PPP4R1: variants seen among roughly 807,000 people sequenced by gnomAD.
The protein encoded by PPP4R1 is protein phosphatase 4 regulatory subunit 1, also known as serine/threonine-protein phosphatase 4 regulatory subunit 1.
Under a neutral mutation model 111.2 loss-of-function variants are expected in PPP4R1, and 42 were observed. The ratio of observed to expected loss-of-function variants is 0.38; its 90% CI spans 0.29 to 0.49. PPP4R1 has a LOEUF of 0.49. Ranked by LOEUF, PPP4R1 falls within the 20% of genes least tolerant of loss-of-function variation. The pLI is 0.97. For synonymous variants in PPP4R1, 409 were observed against 405.5 expected (o/e 1.01, Z -0.10); for missense variants, 1,012 against 1,161.6 (o/e 0.87, Z 1.87).
intron 15 of PPP4R1, chr18:9,557,017 G>A (rs2066598893): frequency 2.3e-6 from 1 of 427,320 alleles, no homozygotes; most frequent in Non-Finnish European, 4.0e-6. Flanking sequence ...ACAAATGTCT[G>A]TAAACTATCA....
At chr18:9,565,932 A>G (rs1336153058) in intron 11 of PPP4R1, among the ~76,000 whole-genome samples, 3 of 151,556 alleles carry the variant, frequency 2.0e-5, no homozygotes, top group South Asian at 4.2e-4. Context: ...TTTTTTTGAG[A>G]TGGAGTCTTG....
intron 2 of PPP4R1, among the ~76,000 whole-genome samples, chr18:9,604,616 C>T (rs1341638694): frequency 6.6e-6 from 1 of 152,140 alleles, no homozygotes; most frequent in South Asian, 2.1e-4. Context: ...ACTAACAACA[C>T]CCAGGAGGCA....
chr18:9,583,578 G>A (rs751522694), intron 8 of PPP4R1, among the ~76,000 whole-genome samples: 6 of 151,294 alleles, frequency 4.0e-5, no homozygotes, highest in Non-Finnish European at 8.8e-5. Context: ...TGTTGGCCAG[G>A]CTGGTCTCGA....
intron 13 of PPP4R1, among the ~76,000 whole-genome samples, chr18:9,560,066 G>A (rs2066648333): frequency 6.6e-6 from 1 of 152,094 alleles, no homozygotes; most frequent in Admixed American, 6.6e-5. Flanking sequence ...AGCCAAGGAG[G>A]GTGGATCACT....
Position 9,547,872 on chromosome 18 carries a change from C to T in PPP4R1, c.2770G>A (p.Asp924Asn), listed in dbSNP as rs774695430. 1.2e-6 allele frequency: 2 copies of T among 1,613,718 alleles called. No individual in the cohort carries two copies. Among genetic ancestry groups the T allele is most frequent in the Admixed American group, 1.7e-5 (1 of 59,994 alleles). The change falls in exon 20 of 20, where the codon GAT becomes AAT. Residue 924 changes from aspartate (D) to asparagine (N), a missense_variant. Physicochemically the swap from Asp to Asn is conservative, Grantham distance 23. Transcript: ENST00000400556. ...IMALQMDRDSDVKYFASIHPA... is the reference protein window; with the variant it reads ...IMALQMDRDSNVKYFASIHPA... ...TGGATGCTTGCAAAATACTTGACAT[C>T]GCTGTCACGGTCCATCTGAAGAGCC...
chr18:9,600,867 T>G (rs946334633), intron 2 of PPP4R1, among the ~76,000 whole-genome samples: 1 of 151,590 alleles, frequency 6.6e-6, no homozygotes, highest in Non-Finnish European at 1.5e-5. Context: ...GGTGACAGAG[T>G]GAGAATGTCT....
intron 12 of PPP4R1, among the ~76,000 whole-genome samples, chr18:9,562,638 C>T (rs1234105997): frequency 6.6e-6 from 1 of 152,170 alleles, no homozygotes; most frequent in Non-Finnish European, 1.5e-5. Context: ...TGCCATCCAA[C>T]AGAAATCAAA....
intron 16 of PPP4R1, among the ~76,000 whole-genome samples, chr18:9,552,663 A>G (rs1014516735): frequency 5.9e-5 from 9 of 152,214 alleles, no homozygotes; most frequent in Admixed American, 5.9e-4. Flanking sequence ...AATTCACCTC[A>G]AAAGAACTGA....
Position 9,548,017 on chromosome 18 carries a change from A to G in PPP4R1, c.2690-65T>C, listed in dbSNP as rs552704368. 1.0e-4 allele frequency: 153 copies of G among 1,515,600 alleles called. No homozygotes were observed. In the African/African-American group the frequency reaches 1.8e-3, roughly 18 times the overall value. 93.9% of individuals were successfully genotyped at this position (1,515,600 alleles called of 1,614,324 possible). A position where few individuals can be genotyped will look rare whatever the true frequency, so the allele number is the denominator to read the frequency against. ...AACGGAACACTTCAGAGTTCCGTCA[A>G]GTACGAGTGTAAACAGTTAAACTGG... On this transcript the variant is annotated intron_variant, in intron 19 of 19. Coordinates refer to ENST00000400556, the MANE Select transcript of PPP4R1 (RefSeq NM_001042388.3).
At chr18:9,550,449 T>G in intron 16 of PPP4R1, 51 bp from the exon 17 acceptor site, 2 of 1,525,896 alleles carry the variant, frequency 1.3e-6, no homozygotes, top group Non-Finnish European at 1.8e-6. Context: ...GCGAGACAAA[T>G]GAAAATAGGT....
intron 13 of PPP4R1, 131 bp from the exon 14 acceptor site, chr18:9,559,735 C>A: frequency 2.9e-5 from 16 of 547,988 alleles, no homozygotes; most frequent in Admixed American, 4.6e-5. Context: ...TGAGAAAAAC[C>A]AATGTCAAAT....
At chr18:9,587,466 G>A (rs944874798) in intron 6 of PPP4R1, 4 of 147,202 alleles carry the variant, frequency 2.7e-5, no homozygotes, top group Non-Finnish European at 5.9e-5. Flanking sequence ...GCAGTGGAAT[G>A]ACCTCGGCTC....
At chr18:9,590,697 A>T (rs1238863619) in intron 4 of PPP4R1, among the ~76,000 whole-genome samples, 1 of 152,176 alleles carries the variant, frequency 6.6e-6, no homozygotes, top group Non-Finnish European at 1.5e-5. Flanking sequence ...ATTAAAAAAA[A>T]AAATGAAACT....
chr18:9,611,024 C>T (rs1440956821), intron 2 of PPP4R1, among the ~76,000 whole-genome samples: 1 of 152,058 alleles, frequency 6.6e-6, no homozygotes, highest in African/African-American at 2.4e-5. Context: ...CAAATCAAAT[C>T]GAAAGACCTG....
chr18:9,563,199 C>CACTAAT, intron 12 of PPP4R1, 179 bp downstream of exon 12: 2 of 1,181,758 alleles, frequency 1.7e-6, no homozygotes, highest in Non-Finnish European at 2.2e-6. Flanking sequence ...TTTCATATGA[C>CACTAAT]ACTAATGTCA....
In PPP4R1 at chr18:9,614,379, AC is replaced by A; in HGVS notation, c.7+98del. 1 of 851,584 alleles carries A rather than the reference AC, an allele frequency of 1.2e-6. No homozygotes were observed. Among genetic ancestry groups the A allele is most frequent in the Non-Finnish European group, 1.4e-6 (1 of 731,888 alleles). 52.8% of individuals were successfully genotyped at this position (851,584 alleles called of 1,614,324 possible). ...CCCGGGGGCGCCTTCCCGCGCCGGG[AC>A]CCCACGCCGGCCCCGGCCCGGCAGC... On this transcript the variant is annotated intron_variant, in intron 1 of 19. Transcript: ENST00000400556. The surrounding 1 kb of genome is among the most constrained non-coding windows in gnomAD (Gnocchi z 4.1).
At chr18:9,562,526 C>T (rs2066694663) in intron 12 of PPP4R1, among the ~76,000 whole-genome samples, 1 of 152,124 alleles carries the variant, frequency 6.6e-6, no homozygotes, top group South Asian at 2.1e-4. Context: ...AACATAAACA[C>T]CTTCTAAAAT....
intron 2 of PPP4R1, chr18:9,612,531 C>T (rs2067599602): frequency 6.6e-6 from 1 of 152,198 alleles, no homozygotes; most frequent in Non-Finnish European, 1.5e-5. Flanking sequence ...TTCTTGGGGG[C>T]TAAGGAAGAA....
At chr18:9,613,425 C>T (rs545129278) in intron 2 of PPP4R1, 1 of 152,096 alleles carries the variant, frequency 6.6e-6, no homozygotes, top group African/African-American at 2.4e-5. Flanking sequence ...ACATATAAGA[C>T]GAAAAATTCC....
Sources: gnomAD v4.1 joint callset for allele counts (sites outside exome capture counted in the v4.1 genomes callset) on GRCh38, gnomAD v4.1.1 for gene constraint, Gnocchi (gnomAD v3.1) non-coding constraint, MANE v1.5 for transcripts, NCBI Gene and HGNC (gene_info 2026-07-23, HGNC 2026-07-21) for gene names.